The following NCAPD3 variants were observed in gnomAD, a reference collection of about 807,000 sequenced individuals.
NCAPD3 encodes non-SMC condensin II complex subunit D3, also known as condensin-2 complex subunit D3.
Under a neutral mutation model 182.9 loss-of-function variants are expected in NCAPD3, and 105 were observed. The ratio of observed to expected loss-of-function variants is 0.57; its 90% CI spans 0.49 to 0.68. NCAPD3 has a LOEUF of 0.68. Ranked by LOEUF, NCAPD3 falls within the 30% of genes least tolerant of loss-of-function variation. NCAPD3 has a pLI of 0.00. For missense variants in NCAPD3, 1,944 were observed against 1,837.0 expected (o/e 1.06, Z -1.07); for synonymous variants, 815 against 679.9 (o/e 1.20, Z -3.09).
At position 134,209,213 on chromosome 11, in the gene NCAPD3, AAC is replaced by A. The variant is rs754496159; in HGVS notation, c.733-9_733-8del. 2.5e-6 allele frequency: 4 copies of A among 1,612,800 alleles called. No homozygotes were observed. The South Asian group carries it at 3.3e-5, about 13-fold the overall frequency. On this transcript the variant is annotated splice_polypyrimidine_tract_variant and splice_region_variant and intron_variant, in intron 5 of 34. Coordinates refer to ENST00000534548, the MANE Select transcript of NCAPD3 (RefSeq NM_015261.3). ...TAGTTAATGAAACAAAGACCTAGAA[AAC>A]AGATATGAAGAAAAGGCCTGATTTT...
chr11:134,176,357 C>A lies in NCAPD3; in HGVS notation c.3051G>T (p.Leu1017=). ...QEEFVKWKGS[L]FFRFVSTLID... The stretch of plus-strand genomic sequence containing the variant: ...TCAGAGTGCTGACAAATCGGAAGAA[C>A]AGGGAGCCCTTCCATTTCACAAATT... Residue 1017 remains leucine, a synonymous_variant, in exon 24 of 35, where the codon CTG becomes CTT. Coordinates refer to ENST00000534548, the MANE Select transcript of NCAPD3 (RefSeq NM_015261.3). 6.2e-7 allele frequency: 1 copy of A among 1,614,010 alleles called. No homozygotes were observed. Among genetic ancestry groups the A allele is most frequent in the Non-Finnish European group, 8.5e-7 (1 of 1,179,958 alleles).
At chr11:134,205,286 T>C (rs543842367) in intron 8 of NCAPD3, among the ~76,000 whole-genome samples, 1 of 152,256 alleles carries the variant, frequency 6.6e-6, no homozygotes, top group African/African-American at 2.4e-5. Flanking sequence ...TGGGGATAAA[T>C]ATAAAAATTG....
intron 20 of NCAPD3, among the ~76,000 whole-genome samples, chr11:134,179,328 T>G (rs1030922646): frequency 1.3e-5 from 2 of 152,236 alleles, no homozygotes; most frequent in African/African-American, 4.8e-5. Context: ...TATAGTCACG[T>G]GGCTTTATGT....
At chr11:134,168,791 C>T in intron 25 of NCAPD3, 126 bp downstream of exon 25, 1 of 1,415,304 alleles carries the variant, frequency 7.1e-7, no homozygotes, top group Non-Finnish European at 9.6e-7. Context: ...CGCCATCCTG[C>T]CAAGCCACAG....
In NCAPD3 at chr11:134,203,482, C is replaced by A. The variant is rs564078323; in HGVS notation, c.1468+172G>T. Reference sequence around the variant, plus strand: ...TAAAAGGCCTTGCAAATGTATCAGGCTTGCCTATTTAAAAAGTTATTTGGC... The same window carrying A: ...TAAAAGGCCTTGCAAATGTATCAGGATTGCCTATTTAAAAAGTTATTTGGC... On this transcript the variant is annotated intron_variant, in intron 11 of 34. Transcript: ENST00000534548. Among the ~76,000 whole-genome samples the A allele has an allele frequency of 2.0e-5, 3 of 152,286 alleles. No individual in the cohort carries two copies. The South Asian group carries it at 6.2e-4, about 32-fold the overall frequency.
Position 134,177,378 on chromosome 11 carries a change from G to C in NCAPD3, c.2862C>G (p.Asp954Glu). ...ALVRELEVCE[D>E]VAVRNNVIIV... ...TGATGACGTTGTTGCGGACAGCCAC[G>C]TCCTCACACACCTCGAGCTCTCGCA... The change falls in exon 23 of 35, where the codon GAC becomes GAG. Residue 954 changes from aspartate to glutamate, a missense_variant. Asp to Glu is a conservative substitution (Grantham distance 45). Coordinates refer to ENST00000534548, the MANE Select transcript of NCAPD3 (RefSeq NM_015261.3). 5 of 1,614,230 alleles carry C rather than the reference G, an allele frequency of 3.1e-6. No individual in the cohort carries two copies. The South Asian group carries it at 4.4e-5, about 14-fold the overall frequency.
At chr11:134,182,749 T>C (rs925649702) in intron 19 of NCAPD3, among the ~76,000 whole-genome samples, 13 of 152,380 alleles carry the variant, frequency 8.5e-5, no homozygotes, top group Middle Eastern at 3.4e-3. Context: ...CTTTCATATA[T>C]ACTGCTGCTG....
intron 30 of NCAPD3, 91 bp downstream of exon 30, chr11:134,158,238 C>T: frequency 6.4e-7 from 1 of 1,559,770 alleles, no homozygotes; most frequent in Non-Finnish European, 8.7e-7. Flanking sequence ...ATGACAATGA[C>T]TTTCCTGCCC....
At position 134,178,813 on chromosome 11, in the gene NCAPD3, A is replaced by T. The variant is rs1326725583; in HGVS notation, c.2674+9T>A. ...TGCGTGCTACAGAGTATGATTTCAA[A>T]TGCCTTACAGTGGTCAGCATCAGCA... is the stretch of plus-strand genomic sequence containing the variant. On this transcript the variant is annotated intron_variant, in intron 21 of 34. Transcript: ENST00000534548. The T allele has an allele frequency of 6.2e-7, 1 of 1,613,882 alleles. No homozygotes were observed.
intron 15 of NCAPD3, among the ~76,000 whole-genome samples, chr11:134,193,150 T>C (rs527349427): frequency 1.3e-5 from 2 of 152,358 alleles, no homozygotes; most frequent in South Asian, 2.1e-4. Flanking sequence ...AGTAAATCAG[T>C]ACTTTTTTGG....
rs1160006697 is a variant in NCAPD3, at chr11:134,195,797, G to C, written c.1616-1059C>G. On this transcript the variant is annotated intron_variant, in intron 13 of 34. Transcript: ENST00000534548. Reference sequence around the variant, plus strand: ...ATATAAGCCAGCTTATCTCTCATCTGGCTTATATTAAACAGGATTCTCATC... The same window carrying C: ...ATATAAGCCAGCTTATCTCTCATCTCGCTTATATTAAACAGGATTCTCATC... Among the ~76,000 whole-genome samples, 3 of 152,080 alleles carry C rather than the reference G, an allele frequency of 2.0e-5. No homozygotes were observed. In the East Asian group the frequency reaches 5.8e-4, roughly 29 times the overall value.
At position 134,185,010 on chromosome 11, in the gene NCAPD3, G is replaced by A. The variant is rs889862073; in HGVS notation, c.2238-10C>T. ...ATTGGGATTCTGCTGACTAGAGAAAGGGCAGGAGGAATATGAAGGGAGAAG... is the reference window on the plus strand; with the variant it reads ...ATTGGGATTCTGCTGACTAGAGAAAAGGCAGGAGGAATATGAAGGGAGAAG... On this transcript the variant is annotated splice_polypyrimidine_tract_variant and intron_variant, in intron 17 of 34. Transcript: ENST00000534548. 2 of 1,589,194 alleles carry A rather than the reference G, an allele frequency of 1.3e-6. No individual in the cohort carries two copies. The highest frequency in any genetic ancestry group is 1.7e-5 in the Admixed American group (1 of 59,964).
At chr11:134,165,660 G>A (rs557434514) in intron 27 of NCAPD3, among the ~76,000 whole-genome samples, 146 of 139,404 alleles carry the variant, frequency 1.0e-3, no homozygotes, top group African/African-American at 3.7e-3. Context: ...CGTGAGATGA[G>A]CTCAGGGGAG....
At position 134,167,696 on chromosome 11, in the gene NCAPD3, ACT is replaced by A. The variant is rs530708679; in HGVS notation, c.3573+298_3573+299del. Reference sequence around the variant, plus strand: ...TGAGATGAGCTTGGGGGAGGGGCACACTCACTAGTGAGGTGAGCTTGGGGGAG... The same window carrying A: ...TGAGATGAGCTTGGGGGAGGGGCACACACTAGTGAGGTGAGCTTGGGGGAG... On this transcript the variant is annotated intron_variant, in intron 27 of 34. Transcript: ENST00000534548. Among the ~76,000 whole-genome samples the A allele has an allele frequency of 2.0e-4, 24 of 122,562 alleles. No individual in the cohort carries two copies. The South Asian group carries it at 3.6e-3, about 18-fold the overall frequency. The allele number at this position is 122,562 out of a possible 152,430, so 80.4% of individuals were successfully genotyped here.
chr11:134,158,621 C>T, intron 29 of NCAPD3, 126 bp from the exon 30 acceptor site: 1 of 1,015,352 alleles, frequency 9.8e-7, no homozygotes. Flanking sequence ...ACGTAATGAT[C>T]AAATCAGGGT....
At chr11:134,161,127 T>C (rs1943565976) in intron 28 of NCAPD3, among the ~76,000 whole-genome samples, 1 of 152,216 alleles carries the variant, frequency 6.6e-6, no homozygotes. Context: ...AAAAAAATTG[T>C]AGCATTTTTT....
chr11:134,184,843 ACACACAC>A (rs1944369000), intron 18 of NCAPD3, 53 bp downstream of exon 18: 2 of 1,304,328 alleles, frequency 1.5e-6, no homozygotes, highest in East Asian at 4.9e-5. Context: ...ACACACACAC[ACACACAC>A]CTGAAATGAA....
chr11:134,168,468 C>T lies in NCAPD3; in HGVS notation c.3373+1G>A. On this transcript the variant is annotated splice_donor_variant, in intron 26 of 34. Transcript: ENST00000534548. LOFTEE classifies it high-confidence loss of function. ...TTTTCTCCCACACACACTGGGCTTACCCAAAATACTAAGGCAGATTTTGGA... is the reference window on the plus strand; with the variant it reads ...TTTTCTCCCACACACACTGGGCTTATCCAAAATACTAAGGCAGATTTTGGA... 1 of 1,614,128 alleles carries T rather than the reference C, an allele frequency of 6.2e-7. No individual in the cohort carries two copies. Among genetic ancestry groups the T allele is most frequent in the Non-Finnish European group, 8.5e-7 (1 of 1,179,996 alleles).
intron 7 of NCAPD3, 105 bp from the exon 8 acceptor site, chr11:134,206,837 G>C: frequency 8.1e-7 from 1 of 1,228,338 alleles, no homozygotes; most frequent in African/African-American, 1.6e-5. Context: ...TCTGAAGGTA[G>C]GTCAGGCTGG....
Sources: allele counts gnomAD v4.1 joint callset (sites outside exome capture counted in the v4.1 genomes callset), GRCh38; gene constraint gnomAD v4.1.1; transcripts MANE v1.5; gene names NCBI Gene and HGNC (gene_info 2026-07-23, HGNC 2026-07-21).